Variants in TAF4B observed in about 807,000 individuals in gnomAD.
TAF4B encodes transcription initiation factor TFIID subunit 4B.
In TAF4B, 38 loss-of-function variants were observed where a neutral mutation model predicts 86.4. That is an observed-to-expected ratio of 0.44 (90% CI 0.34 to 0.58). The LOEUF (loss-of-function observed/expected upper bound fraction) is 0.58. Among genes scored for constraint, TAF4B ranks in the 20% least tolerant of loss-of-function variants. The probability of loss-of-function intolerance (pLI) is 0.02; values close to 1 mark genes in which losing one functional copy is unlikely to be tolerated. For synonymous variants in TAF4B, 388 were observed against 391.2 expected (o/e 0.99, Z 0.10); for missense variants, 988 against 1,027.6 (o/e 0.96, Z 0.53).
chr18:26,380,922 T>C (rs923185917), intron 14 of TAF4B, among the ~76,000 whole-genome samples: 9 of 152,308 alleles, frequency 5.9e-5, no homozygotes, highest in Non-Finnish European at 1.0e-4. Context: ...CCAGTTTTTT[T>C]CTCCTTTTCT....
intron 5 of TAF4B, among the ~76,000 whole-genome samples, chr18:26,279,622 C>T (rs1189564368): frequency 6.7e-6 from 1 of 150,066 alleles, no homozygotes; most frequent in Non-Finnish European, 1.5e-5. Context: ...TGTAAGGCTA[C>T]AGTGATCCAA....
chr18:26,378,856 C>T (rs2057459824), intron 14 of TAF4B, among the ~76,000 whole-genome samples: 1 of 152,066 alleles, frequency 6.6e-6, no homozygotes, highest in South Asian at 2.1e-4. Context: ...GAGATTTATT[C>T]ACATTATGCA....
chr18:26,360,026 C>T (rs1247916770), intron 14 of TAF4B, among the ~76,000 whole-genome samples: 1 of 152,060 alleles, frequency 6.6e-6, no homozygotes, highest in Non-Finnish European at 1.5e-5. Context: ...ACAGGACCAT[C>T]AATATATGCT....
Position 26,227,072 on chromosome 18 carries a change from A to G in TAF4B, c.139A>G (p.Lys47Glu). The change falls in exon 1 of 15, where the codon AAG becomes GAG. Residue 47 changes from lysine (K) to glutamate (E), a missense_variant. Lys to Glu is a moderately conservative substitution (Grantham distance 56, BLOSUM62 1). Around this residue, in one of 3 missense-constraint regions of TAF4B, gnomAD observed 747 missense variants for 737.9 expected, o/e 1.01. Coordinates refer to ENST00000269142, the MANE Select transcript of TAF4B (RefSeq NM_005640.3). ...TCCGGTGGCCCTGGGCGCCGTGACT[A>G]AGGCTCCTGTCAGCGTCTGCGTGGA... Reference protein sequence around the residue: ...STPVALGAVTKAPVSVCVEPT... With the variant: ...STPVALGAVTEAPVSVCVEPT... The G allele has an allele frequency of 1.2e-6, 2 of 1,603,320 alleles. No homozygotes were observed. Among genetic ancestry groups the G allele is most frequent in the Non-Finnish European group, 1.7e-6 (2 of 1,177,032 alleles).
intron 1 of TAF4B, chr18:26,256,042 G>A (rs2056079239): frequency 7.8e-7 from 1 of 1,279,426 alleles, no homozygotes; most frequent in East Asian, 2.3e-5. Flanking sequence ...TACTGATATG[G>A]TTGCTCTTTA....
At chr18:26,315,195 C>CACAAA in intron 9 of TAF4B, 34 bp from the exon 10 acceptor site, 2 of 1,093,694 alleles carry the variant, frequency 1.8e-6, no homozygotes, top group Non-Finnish European at 1.2e-6. Context: ...ACACACACAA[C>CACAAA]CTAAAATGTA....
At chr18:26,328,094 T>C (rs1329698504) in intron 12 of TAF4B, among the ~76,000 whole-genome samples, 1 of 152,230 alleles carries the variant, frequency 6.6e-6, no homozygotes, top group Non-Finnish European at 1.5e-5. Flanking sequence ...TCTAGCGTTC[T>C]TGATAGCTTC....
intron 9 of TAF4B, among the ~76,000 whole-genome samples, chr18:26,299,077 T>C (rs976902246): frequency 2.6e-5 from 4 of 151,208 alleles, no homozygotes; most frequent in Non-Finnish European, 4.4e-5. Context: ...GTCAGGTTGC[T>C]CTCCAACTCC....
chr18:26,312,579 C>G (rs913215645), intron 9 of TAF4B, among the ~76,000 whole-genome samples: 2 of 152,172 alleles, frequency 1.3e-5, no homozygotes, highest in Non-Finnish European at 2.9e-5. Context: ...TGACTGAATT[C>G]TGTTCAGTGC....
intron 9 of TAF4B, among the ~76,000 whole-genome samples, chr18:26,310,845 T>C (rs1038073474): frequency 3.9e-5 from 6 of 152,082 alleles, no homozygotes; most frequent in African/African-American, 9.7e-5. Flanking sequence ...ATTTTTTTTT[T>C]CTTGGGTACA....
At chr18:26,324,682 A>G (rs1373046025) in intron 11 of TAF4B, among the ~76,000 whole-genome samples, 1 of 152,188 alleles carries the variant, frequency 6.6e-6, no homozygotes, top group Non-Finnish European at 1.5e-5. Flanking sequence ...GCTGTCTTGT[A>G]TACTACCTAT....
rs1333354667 is a variant in TAF4B at position 26,282,204 on chromosome 18, T to C, written c.972+144T>C. The C allele has an allele frequency of 4.6e-6, 3 of 658,978 alleles. No homozygotes were observed. In the East Asian group the frequency reaches 8.3e-5, roughly 18 times the overall value. 40.8% of individuals were successfully genotyped at this position (658,978 alleles called of 1,614,324 possible). ...AACCTCTGAGTGCTTTTGTAAGCTA[T>C]AAAGCGTGTTCATAATATTATTTTA... On this transcript the variant is annotated intron_variant, in intron 6 of 14. Transcript: ENST00000269142.
At chr18:26,246,595 G>A (rs574159611) in intron 1 of TAF4B, among the ~76,000 whole-genome samples, 14 of 151,230 alleles carry the variant, frequency 9.3e-5, no homozygotes, top group South Asian at 2.1e-4. Context: ...GTGCAGTGGC[G>A]CGATCTCAGC....
At chr18:26,246,178 C>T (rs2055921087) in intron 1 of TAF4B, among the ~76,000 whole-genome samples, 1 of 152,054 alleles carries the variant, frequency 6.6e-6, no homozygotes, top group African/African-American at 2.4e-5. Flanking sequence ...AATATATGAG[C>T]ATTGAAATTG....
At chr18:26,291,467 G>A (rs1351744258) in intron 7 of TAF4B, among the ~76,000 whole-genome samples, 2 of 152,092 alleles carry the variant, frequency 1.3e-5, no homozygotes, top group African/African-American at 4.8e-5. Flanking sequence ...AGCATTTTGG[G>A]AGGCTGAGGT....
intron 11 of TAF4B, among the ~76,000 whole-genome samples, chr18:26,326,204 C>T (rs908372337): frequency 2.0e-5 from 3 of 152,164 alleles, no homozygotes; most frequent in Non-Finnish European, 2.9e-5. Context: ...CCTGCCTATA[C>T]ACACTCATAG....
intron 1 of TAF4B, among the ~76,000 whole-genome samples, chr18:26,245,045 C>T (rs1029579655): frequency 2.0e-5 from 3 of 151,348 alleles, no homozygotes; most frequent in Admixed American, 6.6e-5. Flanking sequence ...ACCAACGCTC[C>T]GAACTCCAAA....
chr18:26,308,725 A>C (rs985766121), intron 9 of TAF4B, among the ~76,000 whole-genome samples: 5 of 151,874 alleles, frequency 3.3e-5, no homozygotes, highest in African/African-American at 9.7e-5. Context: ...ATACAAAATT[A>C]GCTGGGTGTG....
intron 9 of TAF4B, among the ~76,000 whole-genome samples, chr18:26,306,226 A>T (rs2056793458): frequency 6.6e-6 from 1 of 152,176 alleles, no homozygotes; most frequent in African/African-American, 2.4e-5. Context: ...TTTATGGGTT[A>T]TGTGAGATTT....
Sources: gnomAD v4.1 joint callset for allele counts (sites outside exome capture counted in the v4.1 genomes callset) on GRCh38, gnomAD v4.1.1 for gene constraint, gnomAD v4.1.1 regional missense constraint, MANE v1.5 for transcripts, NCBI Gene and HGNC (gene_info 2026-07-23, HGNC 2026-07-21) for gene names.